The following EPB41L3 variants were observed in gnomAD, a reference collection of about 807,000 sequenced individuals.
EPB41L3 encodes the protein erythrocyte membrane protein band 4.1 like 3, also known as band 4.1-like protein 3.
In EPB41L3, 57 loss-of-function variants were observed where a neutral mutation model predicts 127.1. That is an observed-to-expected ratio of 0.45 (90% CI 0.36 to 0.56). The LOEUF (loss-of-function observed/expected upper bound fraction) is 0.56. Ranked by LOEUF, EPB41L3 falls within the 20% of genes least tolerant of loss-of-function variation. The probability of loss-of-function intolerance (pLI) is 0.00; values close to 1 mark genes in which losing one functional copy is unlikely to be tolerated. For missense variants in EPB41L3, 1,273 were observed against 1,372.2 expected, an observed-to-expected ratio of 0.93 and a Z score of 1.14; for synonymous variants, 572 against 549.5, an observed-to-expected ratio of 1.04 and a Z score of -0.57.
chr18:5,518,448 C>G (rs1467732669), intron 1 of EPB41L3: 2 of 152,978 alleles, frequency 1.3e-5, no homozygotes, highest in Non-Finnish European at 2.9e-5. Context: ...ATCCTTGCCC[C>G]ACTTCATTCT....
Position 5,564,888 on chromosome 18 carries a change from T to C in EPB41L3, c.-306+47452A>G, listed in dbSNP as rs146831814. Among the ~76,000 whole-genome samples, 237 of 152,262 alleles carry C rather than the reference T, an allele frequency of 1.6e-3. 1 individual carries two copies. The highest frequency in any genetic ancestry group is 5.3e-3 in the African/African-American group (221 of 41,548). On this transcript the variant is annotated intron_variant, in intron 3 of 21. Transcript: ENST00000545076. ...TGGACAATGCAAGGTGGCACACAGA[T>C]ACCAGAACTCTACCTGATTCGGCTT... is the stretch of plus-strand genomic sequence containing the variant.
Position 5,494,136 on chromosome 18 carries a change from A to G in EPB41L3, c.-11-4942T>C, listed in dbSNP as rs1052887807. Among the ~76,000 whole-genome samples the G allele has an allele frequency of 6.6e-5, 10 of 152,142 alleles. No homozygotes were observed. In the South Asian group the frequency reaches 2.1e-3, roughly 32 times the overall value. On this transcript the variant is annotated intron_variant, in intron 1 of 22. Transcript: ENST00000341928. Reference sequence around the variant, plus strand: ...TCTCACTTCTTTACCTGGATATCTCAGAAGCACCTAAAACCGAACATTTTT... The same window carrying G: ...TCTCACTTCTTTACCTGGATATCTCGGAAGCACCTAAAACCGAACATTTTT...
At chr18:5,508,582 A>G (rs1295544485) in intron 1 of EPB41L3, among the ~76,000 whole-genome samples, 1 of 152,000 alleles carries the variant, frequency 6.6e-6, no homozygotes, top group African/African-American at 2.4e-5. Context: ...CCTGGCCAAC[A>G]TGGTGAAACC....
upstream of EPB41L3, among the ~76,000 whole-genome samples, chr18:5,629,334 T>C (rs1430223093): frequency 6.6e-6 from 1 of 151,010 alleles, no homozygotes; most frequent in Non-Finnish European, 1.5e-5. Flanking sequence ...GGGGAGGCGG[T>C]CCCTGCGGCT....
At chr18:5,432,384 G>A (rs147415471) in intron 8 of EPB41L3, among the ~76,000 whole-genome samples, 13 of 152,188 alleles carry the variant, frequency 8.5e-5, no homozygotes, top group African/African-American at 2.4e-4. Context: ...CCATGAAATC[G>A]GTGACTAACT....
chr18:5,471,326 G>A (rs993606162), intron 3 of EPB41L3, among the ~76,000 whole-genome samples: 2 of 152,164 alleles, frequency 1.3e-5, no homozygotes, highest in African/African-American at 2.4e-5. Context: ...ATCTCACAGG[G>A]CTCTGTGGCA....
intron 3 of EPB41L3, among the ~76,000 whole-genome samples, 177 bp downstream of exon 3, chr18:5,478,064 T>C (rs1347338457): frequency 3.3e-5 from 5 of 152,234 alleles, no homozygotes; most frequent in Non-Finnish European, 5.9e-5. Flanking sequence ...TGGGACATTA[T>C]ACATATTTTT....
intron 2 of EPB41L3, 158 bp downstream of exon 2, chr18:5,488,841 GAA>G: frequency 1.4e-6 from 1 of 727,872 alleles, no homozygotes; most frequent in African/African-American, 1.9e-5. Flanking sequence ...GTCATTCACT[GAA>G]AGCCTTAAAA....
At chr18:5,573,980 G>A (rs188286779) in intron 3 of EPB41L3, among the ~76,000 whole-genome samples, 36 of 149,932 alleles carry the variant, frequency 2.4e-4, no homozygotes, top group African/African-American at 8.1e-4. Flanking sequence ...GCACGATCTC[G>A]GCTCACTGCA....
chr18:5,558,355 T>G (rs913285537), intron 3 of EPB41L3, among the ~76,000 whole-genome samples: 4 of 152,156 alleles, frequency 2.6e-5, no homozygotes, highest in Non-Finnish European at 4.4e-5. Flanking sequence ...CCCAAACCAC[T>G]AAGATCAGGG....
intron 3 of EPB41L3, among the ~76,000 whole-genome samples, chr18:5,593,655 G>A (rs968005429): frequency 6.6e-5 from 10 of 152,068 alleles, no homozygotes; most frequent in South Asian, 2.1e-4. Flanking sequence ...TTTATTAGGC[G>A]GGAATTTCCT....
At chr18:5,426,887 T>C (rs1487287055) in intron 9 of EPB41L3, among the ~76,000 whole-genome samples, 1 of 152,220 alleles carries the variant, frequency 6.6e-6, no homozygotes, top group Non-Finnish European at 1.5e-5. Context: ...TTAGGAAATA[T>C]TTTTAAAACA....
chr18:5,465,589 C>T (rs1386538581), intron 3 of EPB41L3, among the ~76,000 whole-genome samples: 1 of 152,060 alleles, frequency 6.6e-6, no homozygotes, highest in Admixed American at 6.5e-5. Flanking sequence ...AATTCCATAA[C>T]TTTAAAGAAC....
intron 3 of EPB41L3, among the ~76,000 whole-genome samples, chr18:5,554,429 G>A (rs990363131): frequency 2.6e-5 from 4 of 152,190 alleles, no homozygotes; most frequent in African/African-American, 9.7e-5. Context: ...GCTTGCCCAG[G>A]ATTGGGATTA....
chr18:5,415,788 G>A (rs771320784), intron 13 of EPB41L3, 30 bp downstream of exon 13: 7 of 1,591,412 alleles, frequency 4.4e-6, no homozygotes, highest in Non-Finnish European at 6.0e-6. Flanking sequence ...GAACACGAAG[G>A]GGAAGCGTGT....
intron 3 of EPB41L3, among the ~76,000 whole-genome samples, chr18:5,586,761 A>G (rs2094446118): frequency 6.6e-6 from 1 of 152,080 alleles, no homozygotes; most frequent in African/African-American, 2.4e-5. Context: ...ATGTATTGTA[A>G]TTTAAGTTAT....
intron 3 of EPB41L3, among the ~76,000 whole-genome samples, chr18:5,552,625 G>A (rs769664165): frequency 2.2e-4 from 34 of 152,104 alleles, no homozygotes; most frequent in Non-Finnish European, 5.0e-4. Flanking sequence ...GGTACATCAC[G>A]ATGCCTGGCC....
At chr18:5,571,467 G>C (rs2094279644) in intron 3 of EPB41L3, among the ~76,000 whole-genome samples, 1 of 152,150 alleles carries the variant, frequency 6.6e-6, no homozygotes, top group East Asian at 1.9e-4. Flanking sequence ...TACTCAGCGT[G>C]ACACAGTTTA....
Position 5,397,948 on chromosome 18 carries a change from C to G in EPB41L3, c.2472+73G>C, listed in dbSNP as rs1234067046. 7.5e-6 allele frequency: 12 copies of G among 1,595,410 alleles called. No homozygotes were observed. The highest frequency in any genetic ancestry group is 1.0e-5 in the Non-Finnish European group (12 of 1,167,234). ...AGCCAGCTGGATGCAACCACACACT[C>G]ACGCCCAAAAAAAGGGTAAGGAAAG... On this transcript the variant is annotated intron_variant, in intron 17 of 22. Transcript: ENST00000341928. This position sits in a 1 kb window ranked among gnomAD's most constrained non-coding sequence, Gnocchi z 4.1.
Sources: gnomAD v4.1 joint callset for allele counts (sites outside exome capture counted in the v4.1 genomes callset) on GRCh38, gnomAD v4.1.1 for gene constraint, Gnocchi (gnomAD v3.1) non-coding constraint, MANE v1.5 for transcripts, NCBI Gene and HGNC (gene_info 2026-07-23, HGNC 2026-07-21) for gene names.